MKI67: variants seen among roughly 807,000 people sequenced by gnomAD.
The protein encoded by MKI67 is proliferation marker protein Ki-67.
In MKI67, 152 loss-of-function variants were observed where a neutral mutation model predicts 233.5. The observed-to-expected ratio is 0.65, with a 90% CI of 0.57 to 0.74. The LOEUF (loss-of-function observed/expected upper bound fraction) is 0.74. Ranked by LOEUF, MKI67 falls within the 30% of genes least tolerant of loss-of-function variation. MKI67 has a pLI of 0.00. For missense variants in MKI67, 3,940 were observed against 3,885.2 expected (o/e 1.01, Z -0.37); for synonymous variants, 1,465 against 1,418.5 (o/e 1.03, Z -0.74).
rs1355881786 is a variant in MKI67, at chr10:128,105,592, A to T, written c.6248T>A (p.Phe2083Tyr). Reference protein sequence around the residue: ...LEDLAGFKELFQTPDHTEEST... With the variant: ...LEDLAGFKELYQTPDHTEEST... The stretch of plus-strand genomic sequence containing the variant: ...TTCCTCAGTGTGGTCTGGTGTCTGG[A>T]AGAGCTCTTTGAAGCCGGCCAGGTC... The change falls in exon 13 of 15, where the codon TTC (phenylalanine) becomes TAC (tyrosine). Residue 2083 changes from phenylalanine (F) to tyrosine (Y), a missense_variant. By Grantham distance (22) the Phe-to-Tyr change is conservative. Transcript: ENST00000368654. 1 of 1,613,974 alleles carries T rather than the reference A, an allele frequency of 6.2e-7. No individual in the cohort carries two copies. The highest frequency in any genetic ancestry group is 1.3e-5 in the African/African-American group (1 of 74,972).
chr10:128,112,364 G>C lies in MKI67; in HGVS notation c.1738C>G (p.Pro580Ala), dbSNP rs1386349321. 6.2e-7 allele frequency: 1 copy of C among 1,614,052 alleles called. No homozygotes were observed. Among genetic ancestry groups the C allele is most frequent in the East Asian group, 2.2e-5 (1 of 44,894 alleles). ...EVKAQSLVIS[P>A]PAPSPRKTPV... ...GTTTTCCTAGGACTAGGAGCTGGAGGGCTTATAACCAAGCTTTGTGCCTTC... is the reference window on the plus strand; with the variant it reads ...GTTTTCCTAGGACTAGGAGCTGGAGCGCTTATAACCAAGCTTTGTGCCTTC... Residue 580 changes from proline (P) to alanine (A), a missense_variant, in exon 9 of 15, where the codon CCT becomes GCT. By Grantham distance (27) the Pro-to-Ala change is conservative. Coordinates refer to ENST00000368654, the MANE Select transcript of MKI67 (RefSeq NM_002417.5).
At position 128,108,344 on chromosome 10, in the gene MKI67, G is replaced by C; in HGVS notation, c.3496C>G (p.Leu1166Val). 6.2e-7 allele frequency: 1 copy of C among 1,614,022 alleles called. No individual in the cohort carries two copies. The highest frequency in any genetic ancestry group is 1.1e-5 in the South Asian group (1 of 91,088). ...VEEEFLALRK[L>V]TPSAGKAMLT... ...ATGGCTTTCCCTGCTGATGGTGTTA[G>C]TTTCCTGAGTGCTAAGAATTCTTCC... Residue 1166 changes from leucine to valine, a missense_variant, in exon 13 of 15, where the codon CTA (leucine) becomes GTA (valine). Physicochemically the swap from Leu to Val is conservative, Grantham distance 32. Coordinates refer to ENST00000368654, the MANE Select transcript of MKI67 (RefSeq NM_002417.5).
chr10:128,112,918 G>T (rs554866035), intron 8 of MKI67, among the ~76,000 whole-genome samples: 2 of 152,132 alleles, frequency 1.3e-5, no homozygotes, highest in African/African-American at 4.8e-5. Flanking sequence ...ACTTCCCAGA[G>T]GTGTGAAACC....
At chr10:128,109,544 G>C in intron 12 of MKI67, 121 bp from the exon 13 acceptor site, 1 of 1,040,324 alleles carries the variant, frequency 9.6e-7, no homozygotes, top group Non-Finnish European at 1.4e-6. Context: ...TGAACGACAT[G>C]AGGCTACTTA....
Position 128,101,694 on chromosome 10 carries a change from G to T in MKI67, c.9269C>A (p.Ser3090Tyr), listed in dbSNP as rs747505583. ...CTTATTTTGGCGTCTGGAGCGCAGG[G>T]ATATTCCCTAAAGAAATGAGAAGAC... Reference protein sequence around the residue: ...QDSVPENKGISLRSRRQNKTE... With the variant: ...QDSVPENKGIYLRSRRQNKTE... The change falls in exon 14 of 15, where the codon TCC becomes TAC. Residue 3090 changes from serine to tyrosine, a missense_variant. Transcript: ENST00000368654. 1.3e-6 allele frequency: 2 copies of T among 1,579,574 alleles called. No homozygotes were observed.
At position 128,097,783 on chromosome 10, in the gene MKI67, C is replaced by T. The variant is rs1393888833; in HGVS notation, c.*1407G>A. The T allele has an allele frequency of 1.3e-5, 2 of 152,512 alleles. No individual in the cohort carries two copies. Among genetic ancestry groups the T allele is most frequent in the African/African-American group, 4.8e-5 (2 of 41,406 alleles). The allele number at this position is 152,512 out of a possible 1,614,324, so 9.4% of individuals were successfully genotyped here. ...AAGCCCTCAGATGTCCCCTCCCTGCCCCTTTCTATTCCCTCCCTCAAGCAG... is the reference window on the plus strand; with the variant it reads ...AAGCCCTCAGATGTCCCCTCCCTGCTCCTTTCTATTCCCTCCCTCAAGCAG... On this transcript the variant is annotated 3_prime_UTR_variant, in exon 15 of 15. Coordinates refer to ENST00000368654, the MANE Select transcript of MKI67 (RefSeq NM_002417.5).
chr10:128,123,825 T>G (rs990162485), intron 2 of MKI67, among the ~76,000 whole-genome samples: 14 of 152,142 alleles, frequency 9.2e-5, no homozygotes, highest in African/African-American at 3.1e-4. Context: ...AAATCTAAAT[T>G]CAACTTGTTT....
rs866810358 is a variant in MKI67, at chr10:128,105,680, T to A, written c.6160A>T (p.Asn2054Tyr). 1 of 1,613,676 alleles carries A rather than the reference T, an allele frequency of 6.2e-7. No individual in the cohort carries two copies. The highest frequency in any genetic ancestry group is 8.5e-7 in the Non-Finnish European group (1 of 1,179,946). Residue 2054 changes from asparagine to tyrosine, a missense_variant, in exon 13 of 15, where the codon AAC becomes TAC. Physicochemically the swap from Asn to Tyr is moderately radical, Grantham distance 143. Transcript: ENST00000368654. ...CACCTCTCCATCCCAGTTCCATAGT[T>A]TGCTGGGTCCAGCATCTGCTTTGCA... ...ESAKQMLDPA[N>Y]YGTGMERWPR...
chr10:128,104,587 G>A lies in MKI67; in HGVS notation c.7253C>T (p.Pro2418Leu), dbSNP rs1852429877. Residue 2418 changes from proline to leucine, a missense_variant, in exon 13 of 15, where the codon CCT (proline) becomes CTT (leucine). By Grantham distance (98) the Pro-to-Leu change is moderately conservative (BLOSUM62 -3). Transcript: ENST00000368654. ...AGTCTGTGGCTGTCTCTTGCTGCCAGGTAAATTTCCTAGCAGGTCCAGTTT... is the reference window on the plus strand; with the variant it reads ...AGTCTGTGGCTGTCTCTTGCTGCCAAGTAAATTTCCTAGCAGGTCCAGTTT... ...VQKLDLLGNL[P>L]GSKRQPQTPK... 5 of 1,614,082 alleles carry A rather than the reference G, an allele frequency of 3.1e-6. No homozygotes were observed. The South Asian group carries it at 5.5e-5, about 18-fold the overall frequency.
At chr10:128,124,659 G>A (rs891546446) in intron 2 of MKI67, among the ~76,000 whole-genome samples, 1 of 152,152 alleles carries the variant, frequency 6.6e-6, no homozygotes, top group Admixed American at 6.5e-5. Flanking sequence ...TGCCTTTGGG[G>A]AGCTCAGCCT....
chr10:128,114,902 A>C (rs1284949447), intron 7 of MKI67, 26 bp downstream of exon 7: 30 of 1,518,694 alleles, frequency 2.0e-5, no homozygotes, highest in Non-Finnish European at 2.6e-5. Flanking sequence ...TTTTAGAAAA[A>C]TAAATTTACA....
chr10:128,099,430 T>C (rs539070476), intron 14 of MKI67, among the ~76,000 whole-genome samples, 175 bp from the exon 15 acceptor site: 1 of 152,366 alleles, frequency 6.6e-6, no homozygotes, highest in East Asian at 1.9e-4. Context: ...ACATTGTTTT[T>C]CTTGACTTGA....
At chr10:128,109,828 T>C (rs1025602214) in intron 12 of MKI67, among the ~76,000 whole-genome samples, 2 of 152,192 alleles carry the variant, frequency 1.3e-5, no homozygotes, top group Non-Finnish European at 2.9e-5. Flanking sequence ...TTAGGGTCCA[T>C]ATTACACAGG....
intron 12 of MKI67, 134 bp from the exon 13 acceptor site, chr10:128,109,557 T>C: frequency 1.1e-6 from 1 of 946,158 alleles, no homozygotes. Context: ...GCTACTTATG[T>C]GTCTATAAAT....
chr10:128,113,333 C>T (rs562683469), intron 8 of MKI67, 94 bp downstream of exon 8: 2 of 1,304,530 alleles, frequency 1.5e-6, no homozygotes, highest in African/African-American at 1.5e-5. Context: ...TAAAGGTCTT[C>T]ATCATAATTC....
Position 128,101,656 on chromosome 10 carries a change from G to A in MKI67, c.9307C>T (p.Gln3103Ter). Reference protein sequence around the residue: ...SRRQNKTEAEQQITEVFVLAE... With the variant: ...SRRQNKTEAE ...AATACAAAGACCTCAGTTATTTGCT[G>A]TTCTGCCTCAGTCTTATTTTGGCGT... Residue 3103 changes from glutamine to a stop codon, truncating the protein, a stop_gained, in exon 14 of 15, where the codon CAG (glutamine) becomes TAG (stop). Transcript: ENST00000368654. LOFTEE classifies it high-confidence loss of function. The A allele has an allele frequency of 6.2e-7, 1 of 1,611,328 alleles. No homozygotes were observed. The highest frequency in any genetic ancestry group is 8.5e-7 in the Non-Finnish European group (1 of 1,179,306).
intron 4 of MKI67, 47 bp from the exon 5 acceptor site, chr10:128,119,366 T>C (rs1454410822): frequency 7.2e-7 from 1 of 1,393,316 alleles, no homozygotes; most frequent in Non-Finnish European, 1.0e-6. Context: ...ATTTATACCC[T>C]GGGGCGGAAG....
Position 128,106,395 on chromosome 10 carries a change from G to A in MKI67, c.5445C>T (p.Ser1815=). The A allele has an allele frequency of 2.5e-6, 4 of 1,613,774 alleles. No homozygotes were observed. Among genetic ancestry groups the A allele is most frequent in the Non-Finnish European group, 3.4e-6 (4 of 1,179,984 alleles). The change falls in exon 13 of 15, where the codon AGC becomes AGT. Residue 1815 remains serine, a synonymous_variant. Transcript: ENST00000368654. ...KLDQPGNLPG[S]NRRLQTRKEK... ...CCTTACGAGTTTGTAGCCGTCTATT[G>A]CTGCCAGGTAAATTTCCTGGCTGGT... is the stretch of plus-strand genomic sequence containing the variant.
Position 128,103,544 on chromosome 10 carries a change from A to C in MKI67, c.8296T>G (p.Leu2766Val). The stretch of plus-strand genomic sequence containing the variant: ...GGTGTCTGTTTTGCAGATTCCTTCA[A>C]TGCTTTGATGCCTTTATCTTCACCT... ...PAGEDKGIKA[L>V]KESAKQTPAP... is the part of the protein sequence containing the mutation. The change falls in exon 13 of 15, where the codon TTG (leucine) becomes GTG (valine). Residue 2766 changes from leucine (L) to valine (V), a missense_variant. Leu to Val is a conservative substitution (Grantham distance 32). Coordinates refer to ENST00000368654, the MANE Select transcript of MKI67 (RefSeq NM_002417.5). 6.2e-7 allele frequency: 1 copy of C among 1,612,962 alleles called. No individual in the cohort carries two copies. Among genetic ancestry groups the C allele is most frequent in the Non-Finnish European group, 8.5e-7 (1 of 1,179,756 alleles).
Sources: allele counts gnomAD v4.1 joint callset (sites outside exome capture counted in the v4.1 genomes callset), GRCh38; gene constraint gnomAD v4.1.1; transcripts MANE v1.5; gene names NCBI Gene and HGNC (gene_info 2026-07-23, HGNC 2026-07-21).